Variants in SMARCA4 observed in about 807,000 individuals in gnomAD.
The protein encoded by SMARCA4 is SWI/SNF related BAF chromatin remodeling complex subunit ATPase 4, also known as SWI/SNF-related matrix-associated actin-dependent regulator of chromatin subfamily A member 4.
A neutral mutation model predicts 193.9 loss-of-function variants in SMARCA4; 31 were observed. That is an observed-to-expected ratio of 0.16 (90% CI 0.12 to 0.22). The LOEUF is 0.22. SMARCA4 is among the 10% of genes least tolerant of loss of function. The pLI is 1.00. For synonymous variants in SMARCA4, 942 were observed against 933.1 expected, an observed-to-expected ratio of 1.01 and a Z score of -0.17; for missense variants, 1,148 against 2,296.0, an observed-to-expected ratio of 0.50 and a Z score of 10.22.
intron 15 of SMARCA4, chr19:11,011,672 TGA>T (rs1307440662): frequency 6.6e-6 from 1 of 152,204 alleles, no homozygotes; most frequent in Non-Finnish European, 1.5e-5. Context: ...GGCAACATAG[TGA>T]GACACTGCCT....
chr19:11,009,188 A>G (rs1394021478), intron 14 of SMARCA4, among the ~76,000 whole-genome samples: 1 of 151,162 alleles, frequency 6.6e-6, no homozygotes, highest in Non-Finnish European at 1.5e-5. Context: ...CGTCCAGCTA[A>G]TTTTTGTGTT....
chr19:11,003,417 C>T lies in SMARCA4; in HGVS notation c.2001+20C>T, dbSNP rs978144365. On this transcript the variant is annotated intron_variant, in intron 13 of 34. Transcript: ENST00000344626. ...GAAGAGGTAAGAGTGCATTTCCTGGCTTTCAAGGCTCTCAGTGCCCACTGG... is the reference window on the plus strand; with the variant it reads ...GAAGAGGTAAGAGTGCATTTCCTGGTTTTCAAGGCTCTCAGTGCCCACTGG... 2 of 1,608,316 alleles carry T rather than the reference C, an allele frequency of 1.2e-6. No homozygotes were observed. Among genetic ancestry groups the T allele is most frequent in the African/African-American group, 2.7e-5 (2 of 74,802 alleles).
chr19:11,001,574 C>G (rs1394649804), intron 11 of SMARCA4, among the ~76,000 whole-genome samples: 1 of 152,208 alleles, frequency 6.6e-6, no homozygotes. Flanking sequence ...GACTGCTCCT[C>G]CCAGTGATCC....
rs142531723 is a variant in SMARCA4, at chr19:10,973,919, A to T, written c.-31-10202A>T. On this transcript the variant is annotated intron_variant, in intron 1 of 34. Transcript: ENST00000344626. Reference sequence around the variant, plus strand: ...AGGGGAACATTTTGTTTTGTAGTTCACGCATAGTAAACGGGGCTGGCTCTG... The same window carrying T: ...AGGGGAACATTTTGTTTTGTAGTTCTCGCATAGTAAACGGGGCTGGCTCTG... 1.1e-3 allele frequency among the ~76,000 whole-genome samples: 160 copies of T among 152,118 alleles called. 1 individual carries two copies. Among genetic ancestry groups the T allele is most frequent in the African/African-American group, 3.6e-3 (151 of 41,510 alleles).
chr19:11,060,222 T>C lies in SMARCA4; in HGVS notation c.4911+35T>C, dbSNP rs1440779945. ...GGCCCCCGAGCAGGCAGAGCTGGCA[T>C]GTGGCAGGAGGCATCCCGGGGCCCT... On this transcript the variant is annotated intron_variant, in intron 34 of 34. Transcript: ENST00000344626. The C allele has an allele frequency of 1.2e-5, 18 of 1,549,252 alleles. No individual in the cohort carries two copies. The East Asian group carries it at 1.7e-4, about 15-fold the overall frequency.
intron 1 of SMARCA4, among the ~76,000 whole-genome samples, chr19:10,981,829 T>C (rs2085573992): frequency 6.7e-6 from 1 of 150,280 alleles, no homozygotes; most frequent in African/African-American, 2.5e-5. Context: ...TACAAAAAAA[T>C]TAAGAAAAAT....
intron 8 of SMARCA4, among the ~76,000 whole-genome samples, chr19:10,994,461 C>T (rs1449415083): frequency 6.6e-6 from 1 of 151,314 alleles, no homozygotes; most frequent in Admixed American, 6.6e-5. Context: ...GTAGCTGGGA[C>T]TACAGGCGGC....
chr19:11,035,673 G>T (rs1396886884), intron 29 of SMARCA4, among the ~76,000 whole-genome samples: 2 of 152,234 alleles, frequency 1.3e-5, no homozygotes, highest in African/African-American at 4.8e-5. Flanking sequence ...TGCTTGTGGA[G>T]CTGACGTGAG....
intron 1 of SMARCA4, among the ~76,000 whole-genome samples, chr19:10,972,428 T>A (rs1224579478): frequency 1.3e-5 from 2 of 151,726 alleles, no homozygotes; most frequent in African/African-American, 4.8e-5. Context: ...AATATAACAC[T>A]TCCACTTTCT....
At chr19:11,029,642 G>A (rs1023899120) in intron 24 of SMARCA4, among the ~76,000 whole-genome samples, 1 of 152,240 alleles carries the variant, frequency 6.6e-6, no homozygotes, top group Non-Finnish European at 1.5e-5. Flanking sequence ...GCCTGGGCAT[G>A]TGTAGGCTGG....
At chr19:10,963,590 C>G (rs1234406752) in intron 1 of SMARCA4, among the ~76,000 whole-genome samples, 1 of 152,030 alleles carries the variant, frequency 6.6e-6, no homozygotes, top group Non-Finnish European at 1.5e-5. Context: ...TGAATTCACA[C>G]CCAGCTCTCT....
intron 22 of SMARCA4, 71 bp from the exon 23 acceptor site, chr19:11,026,229 G>A (rs572356054): frequency 3.3e-6 from 4 of 1,194,930 alleles, no homozygotes; most frequent in Admixed American, 3.4e-5. Context: ...CACGAGCGGT[G>A]TGTGCGGACC....
chr19:11,025,145 C>T lies in SMARCA4; in HGVS notation c.3082-277C>T, dbSNP rs1013378647. Among the ~76,000 whole-genome samples, 5 of 152,202 alleles carry T rather than the reference C, an allele frequency of 3.3e-5. No individual in the cohort carries two copies. In the South Asian group the frequency reaches 1.0e-3, roughly 32 times the overall value. On this transcript the variant is annotated intron_variant, in intron 21 of 34. Coordinates refer to ENST00000344626, the MANE Select transcript of SMARCA4 (RefSeq NM_003072.5). Reference sequence around the variant, plus strand: ...CATCACAAAGCATCGGGGACTCTGCCTCAGCCCTTTGCCAGTCTTGTTTCC... The same window carrying T: ...CATCACAAAGCATCGGGGACTCTGCTTCAGCCCTTTGCCAGTCTTGTTTCC...
chr19:10,989,792 C>G (rs2145858142), intron 7 of SMARCA4, among the ~76,000 whole-genome samples: 1 of 151,786 alleles, frequency 6.6e-6, no homozygotes, highest in South Asian at 2.1e-4. Context: ...ACCAACGCCT[C>G]CTGGGATCAA....
At chr19:10,968,623 C>T (rs1417114340) in intron 1 of SMARCA4, among the ~76,000 whole-genome samples, 1 of 152,108 alleles carries the variant, frequency 6.6e-6, no homozygotes, top group Non-Finnish European at 1.5e-5. Context: ...GCTGTGATTA[C>T]AGGCGTGATC....
intron 24 of SMARCA4, among the ~76,000 whole-genome samples, chr19:11,028,740 C>T (rs1465739399): frequency 3.9e-5 from 6 of 152,230 alleles, no homozygotes; most frequent in African/African-American, 7.2e-5. Flanking sequence ...CGACAGGGCA[C>T]GTGAGACATG....
chr19:11,060,804 C>T (rs2076821387), intron 34 of SMARCA4, among the ~76,000 whole-genome samples: 2 of 152,216 alleles, frequency 1.3e-5, no homozygotes, highest in Admixed American at 1.3e-4. Flanking sequence ...AAGGGCCTGG[C>T]TCCCGCTGAA....
In SMARCA4 at chr19:11,031,298, G is replaced by C. The variant is rs561906507; in HGVS notation, c.3546+405G>C. 1 of 281,718 alleles carries C rather than the reference G, an allele frequency of 3.5e-6. No individual in the cohort carries two copies. 17.5% of individuals were successfully genotyped at this position (281,718 alleles called of 1,614,324 possible). On this transcript the variant is annotated intron_variant, in intron 25 of 34. Coordinates refer to ENST00000344626, the MANE Select transcript of SMARCA4 (RefSeq NM_003072.5). The surrounding 1 kb of genome is among the most constrained non-coding windows in gnomAD (Gnocchi z 4.3). ...TTGGGGGTAAACTCCATGCCACTTC[G>C]TTTACTTCCTCCTCTTGTTCCATAA...
rs866260834 is a variant in SMARCA4 at position 11,061,212 on chromosome 19, T to A, written c.4912-572T>A. On this transcript the variant is annotated intron_variant, in intron 34 of 34. Transcript: ENST00000344626. ...TTAAAAAAAAAAAAAAAAATATATATATATATATATATATATATATATATA... is the reference window on the plus strand; with the variant it reads ...TTAAAAAAAAAAAAAAAAATATATAAATATATATATATATATATATATATA... Among the ~76,000 whole-genome samples the A allele has an allele frequency of 7.8e-3, 799 of 102,572 alleles. 15 individuals carry two copies. Among genetic ancestry groups the A allele is most frequent in the African/African-American group, 0.03 (501 of 16,548 alleles). 67.3% of individuals were successfully genotyped at this position (102,572 alleles called of 152,430 possible).
Sources: allele counts gnomAD v4.1 joint callset (sites outside exome capture counted in the v4.1 genomes callset), GRCh38; gene constraint gnomAD v4.1.1; non-coding constraint Gnocchi (gnomAD v3.1); transcripts MANE v1.5; gene names NCBI Gene and HGNC (gene_info 2026-07-23, HGNC 2026-07-21).